GRID1: variants seen among roughly 807,000 people sequenced by gnomAD.
GRID1 encodes glutamate ionotropic receptor delta type subunit 1, also known as glutamate receptor ionotropic, delta-1.
GRID1 carries 28 observed loss-of-function variants against 98.0 expected under a neutral mutation model. That is an observed-to-expected ratio of 0.29 (90% CI 0.21 to 0.39). The LOEUF is 0.39. Ranked by LOEUF, GRID1 falls within the 10% of genes least tolerant of loss-of-function variation. GRID1 has a pLI of 1.00. For synonymous variants in GRID1, 553 were observed against 538.5 expected (o/e 1.03, Z -0.37); for missense variants, 1,111 against 1,340.5 (o/e 0.83, Z 2.67).
chr10:86,051,055 G>A (rs2131905609), intron 4 of GRID1, among the ~76,000 whole-genome samples: 1 of 151,302 alleles, frequency 6.6e-6, no homozygotes, highest in South Asian at 2.1e-4. Context: ...TCCAGCCTGG[G>A]CAACCAGAGT....
intron 12 of GRID1, among the ~76,000 whole-genome samples, chr10:85,675,913 A>G (rs1841139850): frequency 2.0e-5 from 3 of 152,232 alleles, no homozygotes; most frequent in African/African-American, 7.2e-5. Context: ...TGGGACCTGC[A>G]TGTGAAGATG....
intron 3 of GRID1, among the ~76,000 whole-genome samples, chr10:86,153,318 C>T (rs955860037): frequency 3.3e-5 from 5 of 152,230 alleles, no homozygotes. Flanking sequence ...CATCCTACCA[C>T]CTTGCCAGAG....
chr10:85,633,643 G>T (rs998566889), intron 13 of GRID1, among the ~76,000 whole-genome samples: 2 of 152,182 alleles, frequency 1.3e-5, no homozygotes, highest in African/African-American at 2.4e-5. Context: ...GTCTCCAGGG[G>T]CTTATGTGGA....
chr10:86,218,188 G>A (rs1846203366), intron 2 of GRID1, among the ~76,000 whole-genome samples: 1 of 152,026 alleles, frequency 6.6e-6, no homozygotes, highest in Admixed American at 6.6e-5. Flanking sequence ...GTGTGTGTGA[G>A]TTCATGCACG....
intron 12 of GRID1, among the ~76,000 whole-genome samples, chr10:85,671,954 G>A (rs1190867021): frequency 6.6e-6 from 1 of 152,226 alleles, no homozygotes; most frequent in Non-Finnish European, 1.5e-5. Context: ...AAGGCTGAGA[G>A]AGGTGAGGAA....
intron 2 of GRID1, among the ~76,000 whole-genome samples, chr10:86,210,730 G>A (rs545703618): frequency 2.0e-5 from 3 of 152,380 alleles, no homozygotes; most frequent in East Asian, 3.9e-4. Flanking sequence ...GGAGAGGCCC[G>A]ATGTGAGTCA....
intron 13 of GRID1, among the ~76,000 whole-genome samples, chr10:85,644,431 T>C (rs1053851961): frequency 2.0e-5 from 3 of 152,248 alleles, no homozygotes; most frequent in African/African-American, 7.2e-5. Context: ...TGTGTATGTG[T>C]ATATTTTATA....
At chr10:85,707,679 C>T (rs1479582874) in intron 12 of GRID1, among the ~76,000 whole-genome samples, 1 of 152,144 alleles carries the variant, frequency 6.6e-6, no homozygotes, top group Non-Finnish European at 1.5e-5. Flanking sequence ...TTTATTGCGG[C>T]ACTATTCACA....
Position 86,181,817 on chromosome 10 carries a change from G to A in GRID1, c.520+24547C>T, listed in dbSNP as rs1589401192. ...TTAATTACTCAGTGGTACTTATCTT[G>A]TTGGCTTTCTTAGTTATTTATTCTC... On this transcript the variant is annotated intron_variant, in intron 3 of 15. Transcript: ENST00000327946. Among the ~76,000 whole-genome samples the A allele has an allele frequency of 2.0e-5, 3 of 152,240 alleles. No homozygotes were observed. In the East Asian group the frequency reaches 5.8e-4, roughly 29 times the overall value.
At position 85,729,593 on chromosome 10, in the gene GRID1, T is replaced by C; in HGVS notation, c.1255A>G (p.Lys419Glu). The C allele has an allele frequency of 6.2e-7, 1 of 1,612,282 alleles. No individual in the cohort carries two copies. Among genetic ancestry groups the C allele is most frequent in the African/African-American group, 1.3e-5 (1 of 75,008 alleles). ...TCTTGCAAGCTGCCATTCAAGCCCTTCTCTGAGTCCCATGTCGCCAACTGT... is the reference window on the plus strand; with the variant it reads ...TCTTGCAAGCTGCCATTCAAGCCCTCCTCTGAGTCCCATGTCGCCAACTGT... Reference protein sequence around the residue: ...MRKLATWDSEKGLNGSLQERP... With the variant: ...MRKLATWDSEEGLNGSLQERP... Residue 419 changes from lysine to glutamate, a missense_variant, in exon 9 of 16, where the codon AAG becomes GAG. Physicochemically the swap from Lys to Glu is moderately conservative, Grantham distance 56 (BLOSUM62 1). Around this residue, in one of 3 missense-constraint regions of GRID1, gnomAD observed 762 missense variants for 869.1 expected, o/e 0.88. Coordinates refer to ENST00000327946, the MANE Select transcript of GRID1 (RefSeq NM_017551.3).
At chr10:86,079,634 C>T (rs960874107) in intron 4 of GRID1, among the ~76,000 whole-genome samples, 2 of 152,148 alleles carry the variant, frequency 1.3e-5, no homozygotes, top group African/African-American at 2.4e-5. Context: ...CAGCACCAAC[C>T]CTGGGTGCCC....
At chr10:86,098,116 TC>T (rs1463565904) in intron 4 of GRID1, among the ~76,000 whole-genome samples, 8 of 152,232 alleles carry the variant, frequency 5.3e-5, no homozygotes, top group African/African-American at 1.9e-4. Flanking sequence ...GCATCTGGCC[TC>T]CTTTTATATC....
chr10:86,272,744 G>A (rs982079480), intron 2 of GRID1, among the ~76,000 whole-genome samples: 2 of 152,138 alleles, frequency 1.3e-5, no homozygotes, highest in Non-Finnish European at 2.9e-5. Context: ...GAATAGCTTG[G>A]AACATTCTTT....
chr10:86,223,380 C>A (rs540611097), intron 2 of GRID1, among the ~76,000 whole-genome samples: 2 of 152,240 alleles, frequency 1.3e-5, no homozygotes, highest in Admixed American at 6.5e-5. Context: ...CAGGAAGCTG[C>A]GGAGCTGTGG....
chr10:86,224,963 G>A (rs1000656027), intron 2 of GRID1, among the ~76,000 whole-genome samples: 3 of 152,232 alleles, frequency 2.0e-5, no homozygotes, highest in Non-Finnish European at 4.4e-5. Context: ...GAACCGTGTT[G>A]AGGCCACTTC....
intron 12 of GRID1, among the ~76,000 whole-genome samples, chr10:85,705,052 T>G (rs1465135788): frequency 6.6e-6 from 1 of 151,952 alleles, no homozygotes; most frequent in Non-Finnish European, 1.5e-5. Flanking sequence ...ACATCACAAT[T>G]AAAAGAACTA....
chr10:85,791,173 C>G (rs1842476303), intron 8 of GRID1, among the ~76,000 whole-genome samples: 1 of 152,170 alleles, frequency 6.6e-6, no homozygotes. Context: ...TTCAGGGAGC[C>G]CACAGACGAC....
At chr10:85,789,148 C>A (rs564950051) in intron 8 of GRID1, among the ~76,000 whole-genome samples, 2 of 152,056 alleles carry the variant, frequency 1.3e-5, no homozygotes, top group East Asian at 3.9e-4. Context: ...GTCTTCTTCC[C>A]CCAGGGTGCC....
chr10:86,059,118 T>C (rs556982460), intron 4 of GRID1, among the ~76,000 whole-genome samples: 1 of 152,212 alleles, frequency 6.6e-6, no homozygotes, highest in East Asian at 1.9e-4. Context: ...GAATAAGTCA[T>C]GACAAAGCGG....
Sources: allele counts gnomAD v4.1 joint callset (sites outside exome capture counted in the v4.1 genomes callset), GRCh38; gene constraint gnomAD v4.1.1; regional missense constraint gnomAD v4.1.1; transcripts MANE v1.5; gene names NCBI Gene and HGNC (gene_info 2026-07-23, HGNC 2026-07-21).